Variants in GK5 observed in about 807,000 individuals in gnomAD.
GK5 encodes the protein ATP:glycerol 3-phosphotransferase 5.
GK5 carries 39 observed loss-of-function variants against 77.3 expected under a neutral mutation model. The observed-to-expected ratio is 0.50, with a 90% CI of 0.39 to 0.66. The LOEUF is 0.66. Ranked by LOEUF, GK5 falls within the 30% of genes least tolerant of loss-of-function variation. The probability of loss-of-function intolerance (pLI) is 0.00; values close to 1 mark genes in which losing one functional copy is unlikely to be tolerated. For missense variants in GK5, 487 were observed against 633.8 expected (o/e 0.77, Z 2.49); for synonymous variants, 211 against 208.0 (o/e 1.01, Z -0.13).
At chr3:142,182,405 C>T (rs999739891) in intron 10 of GK5, among the ~76,000 whole-genome samples, 1 of 151,588 alleles carries the variant, frequency 6.6e-6, no homozygotes, top group Admixed American at 6.6e-5. Flanking sequence ...AGTGCAGTGG[C>T]GCGATCTTGG....
At chr3:142,173,458 T>G (rs1412565962) in intron 12 of GK5, among the ~76,000 whole-genome samples, 1 of 151,918 alleles carries the variant, frequency 6.6e-6, no homozygotes, top group Non-Finnish European at 1.5e-5. Context: ...CCGACAAAGG[T>G]GGACCACTTG....
At chr3:142,219,525 CTG>C (rs2064314939) in intron 1 of GK5, among the ~76,000 whole-genome samples, 1 of 152,136 alleles carries the variant, frequency 6.6e-6, no homozygotes, top group Non-Finnish European at 1.5e-5. Flanking sequence ...AAAGACAAGA[CTG>C]TGTTACGGAA....
Position 142,161,498 on chromosome 3 carries a change from T to C in GK5, c.*4124A>G, listed in dbSNP as rs986347038. ...TACAAACAAAGTTGCACTAACAAAG[T>C]AAAAATTTATCCCACATACATGAAA... is the stretch of plus-strand genomic sequence containing the variant. On this transcript the variant is annotated 3_prime_UTR_variant, in exon 16 of 16. Transcript: ENST00000392993. The C allele has an allele frequency of 3.9e-5, 6 of 152,102 alleles. No individual in the cohort carries two copies. Among genetic ancestry groups the C allele is most frequent in the African/African-American group, 1.4e-4 (6 of 41,408 alleles). 9.4% of individuals were successfully genotyped at this position (152,102 alleles called of 1,614,324 possible).
At chr3:142,218,774 T>C (rs2064306552) in intron 1 of GK5, among the ~76,000 whole-genome samples, 1 of 152,142 alleles carries the variant, frequency 6.6e-6, no homozygotes. Flanking sequence ...AAACATTTGT[T>C]CTGCAAAAGA....
chr3:142,171,910 C>T (rs2063544608), intron 13 of GK5, among the ~76,000 whole-genome samples: 1 of 152,056 alleles, frequency 6.6e-6, no homozygotes. Flanking sequence ...TTCATGACAG[C>T]ATCATTCTTA....
At position 142,163,748 on chromosome 3, in the gene GK5, C is replaced by T. The variant is rs1466021070; in HGVS notation, c.*1874G>A. On this transcript the variant is annotated 3_prime_UTR_variant, in exon 16 of 16. Transcript: ENST00000392993. ...CAGTGGTTCACGGCTGCAATCCCAG[C>T]ACTTTGGGAGGCCAAGGTGGGAGGA... The T allele has an allele frequency of 6.6e-6, 1 of 152,002 alleles. No individual in the cohort carries two copies. Among genetic ancestry groups the T allele is most frequent in the East Asian group, 1.9e-4 (1 of 5,184 alleles). 9.4% of individuals were successfully genotyped at this position (152,002 alleles called of 1,614,324 possible). A position where few individuals can be genotyped will look rare whatever the true frequency, so the allele number is the denominator to read the frequency against.
At chr3:142,191,199 T>G (rs1250575275) in intron 5 of GK5, among the ~76,000 whole-genome samples, 2 of 151,956 alleles carry the variant, frequency 1.3e-5, no homozygotes, top group Non-Finnish European at 2.9e-5. Flanking sequence ...CGTGGTAATT[T>G]TTGTATTTTT....
At chr3:142,206,879 A>G (rs2064115455) in intron 3 of GK5, among the ~76,000 whole-genome samples, 1 of 152,212 alleles carries the variant, frequency 6.6e-6, no homozygotes, top group African/African-American at 2.4e-5. Context: ...TTATTCTTCA[A>G]TCCAATCGTG....
chr3:142,187,649 A>G (rs372677244), intron 6 of GK5, 55 bp downstream of exon 6: 68 of 1,299,284 alleles, frequency 5.2e-5, no homozygotes, highest in Non-Finnish European at 7.0e-5. Flanking sequence ...TAGGCAAATC[A>G]TTTCTCTTGA....
intron 12 of GK5, among the ~76,000 whole-genome samples, chr3:142,173,683 C>CAAAACA (rs71153944): frequency 0.15 from 22,368 of 149,922 alleles, 1,700 homozygotes; most frequent in Middle Eastern, 0.19. Context: ...GACTCCGTCT[C>CAAAACA]AAAACAAAAA....
Position 142,187,729 on chromosome 3 carries a change from G to C in GK5, c.594C>G (p.Thr198=). 1.9e-6 allele frequency: 3 copies of C among 1,611,874 alleles called. No homozygotes were observed. The highest frequency in any genetic ancestry group is 2.5e-6 in the Non-Finnish European group (3 of 1,178,964). Residue 198 remains threonine (T), a synonymous_variant, in exon 6 of 16, where the codon ACC becomes ACG. Transcript: ENST00000392993. ...EENCCFGTID[T]WLLYKLTKGS... ...CTTTTGTGAGCTTATATAACAACCA[G>C]GTATCAATAGTCCCAAAGCAGCAAT...
At position 142,205,114 on chromosome 3, in the gene GK5, G is replaced by A. The variant is rs1010586681; in HGVS notation, c.318-326C>T. The stretch of plus-strand genomic sequence containing the variant: ...CTTTACTGCACTTGTCCTGATACAC[G>A]TAATCCAACAAAAACCTCCTGACCT... On this transcript the variant is annotated intron_variant, in intron 3 of 15. Coordinates refer to ENST00000392993, the MANE Select transcript of GK5 (RefSeq NM_001039547.3). Among the ~76,000 whole-genome samples the A allele has an allele frequency of 3.3e-5, 5 of 152,050 alleles. No homozygotes were observed. In the East Asian group the frequency reaches 7.7e-4, roughly 23 times the overall value.
chr3:142,213,379 G>C, intron 3 of GK5, 147 bp downstream of exon 3: 2 of 600,594 alleles, frequency 3.3e-6, no homozygotes, highest in Non-Finnish European at 6.1e-6. Flanking sequence ...GAGCATACAA[G>C]CCAGAAAGCA....
intron 3 of GK5, among the ~76,000 whole-genome samples, chr3:142,211,651 C>T (rs1011861903): frequency 3.3e-5 from 5 of 152,138 alleles, no homozygotes; most frequent in African/African-American, 1.2e-4. Flanking sequence ...AATTAGCCAG[C>T]CATAGTGTGG....
At chr3:142,192,068 G>A (rs1267951749) in intron 5 of GK5, among the ~76,000 whole-genome samples, 4 of 152,128 alleles carry the variant, frequency 2.6e-5, no homozygotes, top group Non-Finnish European at 5.9e-5. Context: ...ATATACTGAT[G>A]GTAAATAAGC....
chr3:142,205,069 T>A (rs1288358373), intron 3 of GK5, among the ~76,000 whole-genome samples: 1 of 152,236 alleles, frequency 6.6e-6, no homozygotes, highest in African/African-American at 2.4e-5. Context: ...GCAGATTTTT[T>A]AAAAGCCAAT....
At chr3:142,192,555 G>A (rs951816953) in intron 5 of GK5, among the ~76,000 whole-genome samples, 2 of 152,120 alleles carry the variant, frequency 1.3e-5, no homozygotes, top group African/African-American at 4.8e-5. Context: ...CTTAAGGTCG[G>A]GAGGTCGAGA....
chr3:142,209,185 A>T (rs2064157219), intron 3 of GK5, among the ~76,000 whole-genome samples: 1 of 151,852 alleles, frequency 6.6e-6, no homozygotes, highest in African/African-American at 2.4e-5. Flanking sequence ...GTGCCATGAG[A>T]GTATTTAACA....
In GK5 at chr3:142,225,399, G is replaced by GGTA. The variant is rs1156982949; in HGVS notation, c.56_57insTAC (p.Gly19_Phe20insThr). ...TGCCCACATCCAGCCCCAGCACGAAGCCGGGGTACCGCGGCTCCTGCGCTC... is the reference window on the plus strand; with the variant it reads ...TGCCCACATCCAGCCCCAGCACGAAGGTACCGGGGTACCGCGGCTCCTGCGCTC... On this transcript the variant is annotated inframe_insertion, in exon 1 of 16. Coordinates refer to ENST00000392993, the MANE Select transcript of GK5 (RefSeq NM_001039547.3). 2.5e-6 allele frequency: 4 copies of GGTA among 1,599,288 alleles called. No homozygotes were observed. Among genetic ancestry groups the GGTA allele is most frequent in the Non-Finnish European group, 3.4e-6 (4 of 1,175,156 alleles).
Sources: allele counts gnomAD v4.1 joint callset (sites outside exome capture counted in the v4.1 genomes callset), GRCh38; gene constraint gnomAD v4.1.1; transcripts MANE v1.5; gene names NCBI Gene and HGNC (gene_info 2026-07-23, HGNC 2026-07-21).